CPLX1: variants seen among roughly 807,000 people sequenced by gnomAD.
CPLX1 encodes complexin 1, also known as complexin-1.
CPLX1 carries 6 observed loss-of-function variants against 15.6 expected under a neutral mutation model. That is an observed-to-expected ratio of 0.39 (90% CI 0.21 to 0.76). The LOEUF is 0.76. Ranked by LOEUF, CPLX1 falls within the 30% of genes least tolerant of loss-of-function variation. CPLX1 has a pLI of 0.43. For missense variants in CPLX1, 242 were observed against 188.6 expected (o/e 1.28, Z -1.66); for synonymous variants, 91 against 75.2 (o/e 1.21, Z -1.08).
intron 1 of CPLX1, 121 bp from the exon 2 acceptor site, chr4:824,722 C>G: frequency 1.4e-6 from 1 of 708,926 alleles, no homozygotes; most frequent in Non-Finnish European, 2.6e-6. Context: ...CCTGGAGCGG[C>G]TGCCTGGGAA....
intron 2 of CPLX1, among the ~76,000 whole-genome samples, chr4:797,165 T>G (rs560631310): frequency 6.6e-6 from 1 of 152,228 alleles, no homozygotes; most frequent in Admixed American, 6.5e-5. Context: ...TCCTTGCCAC[T>G]CTCTGGCCCG....
At chr4:804,543 GAC>G in intron 2 of CPLX1, among the ~76,000 whole-genome samples, 1 of 152,242 alleles carries the variant, frequency 6.6e-6, no homozygotes, top group South Asian at 2.1e-4. Context: ...GTTTTGGAAA[GAC>G]ATGCCAGATT....
At chr4:824,947 G>A (rs1746948706) in intron 1 of CPLX1, 2 of 367,794 alleles carry the variant, frequency 5.4e-6, no homozygotes, top group Admixed American at 3.7e-5. Flanking sequence ...GCAGCTCAGT[G>A]TCTGGAGCGG....
chr4:799,202 C>G (rs1423412063), intron 2 of CPLX1, among the ~76,000 whole-genome samples: 1 of 152,216 alleles, frequency 6.6e-6, no homozygotes, highest in African/African-American at 2.4e-5. Context: ...GGCCCTGCCC[C>G]GTGCCCTGGA....
intron 2 of CPLX1, among the ~76,000 whole-genome samples, chr4:793,721 C>T (rs1746251642): frequency 6.6e-6 from 1 of 152,204 alleles, no homozygotes; most frequent in South Asian, 2.1e-4. Flanking sequence ...AAATGCCGCT[C>T]TCCCCCCGCG....
chr4:794,072 T>C (rs1746263886), intron 2 of CPLX1, among the ~76,000 whole-genome samples: 2 of 152,248 alleles, frequency 1.3e-5, no homozygotes. Flanking sequence ...CCCTCGCCTG[T>C]AGCTATCTGT....
At position 820,188 on chromosome 4, in the gene CPLX1, G is replaced by A. The variant is rs1037281736; in HGVS notation, c.31+4304C>T. Among the ~76,000 whole-genome samples the A allele has an allele frequency of 7.2e-5, 11 of 151,970 alleles. No homozygotes were observed. In the East Asian group the frequency reaches 1.2e-3, roughly 16 times the overall value. On this transcript the variant is annotated intron_variant, in intron 2 of 3. Transcript: ENST00000304062. ...GCTCAGCCCAGCCTGCAGCTCCACC[G>A]TCCTCCCGGACCCAGCTCAGCCCAG...
rs1286626687 is a variant in CPLX1 at position 787,453 on chromosome 4, T to G, written c.208-755A>C. On this transcript the variant is annotated intron_variant, in intron 3 of 3. Transcript: ENST00000304062. ...AGGTGATCTCATTCGGAAACAGGTC[T>G]TTGTTGATCTCATAATGGTAAGGAT... 4.4e-6 allele frequency: 4 copies of G among 906,748 alleles called. No homozygotes were observed. The East Asian group carries it at 4.7e-4, about 107-fold the overall frequency. 56.2% of individuals were successfully genotyped at this position (906,748 alleles called of 1,614,324 possible). A position where few individuals can be genotyped will look rare whatever the true frequency, so the allele number is the denominator to read the frequency against.
intron 1 of CPLX1, 197 bp from the exon 2 acceptor site, chr4:824,798 C>T (rs1196912950): frequency 9.1e-6 from 6 of 659,904 alleles, no homozygotes; most frequent in Non-Finnish European, 1.7e-5. Flanking sequence ...AAAATGGTCT[C>T]CCCAGCTCCT....
At chr4:787,053 G>A (rs1031584436) in intron 3 of CPLX1, 9 of 985,304 alleles carry the variant, frequency 9.1e-6, no homozygotes, top group East Asian at 1.1e-4. Context: ...GCAGGGAGGG[G>A]TGGGCAGGAT....
At chr4:814,161 C>T (rs1191557329) in intron 2 of CPLX1, among the ~76,000 whole-genome samples, 5 of 152,172 alleles carry the variant, frequency 3.3e-5, no homozygotes, top group Non-Finnish European at 7.4e-5. Flanking sequence ...CCTGCAAATA[C>T]AAGGGACCCA....
chr4:789,507 C>CG (rs1577468146), intron 3 of CPLX1, among the ~76,000 whole-genome samples: 1 of 152,196 alleles, frequency 6.6e-6, no homozygotes, highest in Admixed American at 6.5e-5. Context: ...GTGGGAGCTG[C>CG]GGGGGGTAGG....
At chr4:787,050 G>A in intron 3 of CPLX1, 1 of 985,398 alleles carries the variant, frequency 1.0e-6, no homozygotes, top group Non-Finnish European at 1.2e-6. Context: ...GGGGCAGGGA[G>A]GGGTGGGCAG....
intron 3 of CPLX1, among the ~76,000 whole-genome samples, chr4:790,188 G>A (rs903731005): frequency 6.6e-6 from 1 of 152,210 alleles, no homozygotes; most frequent in African/African-American, 2.4e-5. Flanking sequence ...ACTTTGGCAG[G>A]GCCTCCAGAG....
intron 2 of CPLX1, among the ~76,000 whole-genome samples, chr4:811,309 A>ATT (rs923330451): frequency 3.3e-5 from 5 of 150,066 alleles, no homozygotes; most frequent in African/African-American, 9.8e-5. Flanking sequence ...TGCCCAGCCA[A>ATT]TTTTTTTTTT....
At chr4:814,107 T>C (rs1244335440) in intron 2 of CPLX1, among the ~76,000 whole-genome samples, 1 of 152,200 alleles carries the variant, frequency 6.6e-6, no homozygotes, top group African/African-American at 2.4e-5. Context: ...GTGGAACCCC[T>C]GCTTTTCCCA....
Position 792,548 on chromosome 4 carries a change from G to C in CPLX1, c.92C>G (p.Ala31Gly). 1 of 1,613,246 alleles carries C rather than the reference G, an allele frequency of 6.2e-7. No homozygotes were observed. The highest frequency in any genetic ancestry group is 1.3e-5 in the African/African-American group (1 of 74,990). ...CTCCTGCCGCTCCTCCTCCTTCTTG[G>C]CGGCGTCTGGGTCCTTCTCCTCGTC... is the stretch of plus-strand genomic sequence containing the variant. ...GGDEEKDPDA[A>G]KKEEERQEAL... The change falls in exon 3 of 4, where the codon GCC becomes GGC. Residue 31 changes from alanine (A) to glycine (G), a missense_variant. Ala to Gly is a moderately conservative substitution (Grantham distance 60). Transcript: ENST00000304062.
At chr4:818,995 G>T (rs1746812845) in intron 2 of CPLX1, among the ~76,000 whole-genome samples, 1 of 152,264 alleles carries the variant, frequency 6.6e-6, no homozygotes, top group Admixed American at 6.5e-5. Context: ...GTTCTCTGAA[G>T]TTTGGCAGCA....
intron 2 of CPLX1, among the ~76,000 whole-genome samples, chr4:793,077 T>C (rs1482050407): frequency 6.6e-6 from 1 of 152,182 alleles, no homozygotes; most frequent in Non-Finnish European, 1.5e-5. Context: ...TGATCAGGCT[T>C]GTCGTCTTGT....
Sources: allele counts gnomAD v4.1 joint callset (sites outside exome capture counted in the v4.1 genomes callset), GRCh38; gene constraint gnomAD v4.1.1; transcripts MANE v1.5; gene names NCBI Gene and HGNC (gene_info 2026-07-23, HGNC 2026-07-21).